The following EIF2B3 variants were observed in gnomAD, a reference collection of about 807,000 sequenced individuals.
EIF2B3 encodes the protein eukaryotic translation initiation factor 2B subunit gamma, also known as translation initiation factor eIF2B subunit gamma.
Under a neutral mutation model 54.1 loss-of-function variants are expected in EIF2B3, and 20 were observed. That is an observed-to-expected ratio of 0.37 (90% CI 0.26 to 0.54). EIF2B3 has a LOEUF of 0.54. Ranked by LOEUF, EIF2B3 falls within the 20% of genes least tolerant of loss-of-function variation. The probability of loss-of-function intolerance (pLI) is 0.86; values close to 1 mark genes in which losing one functional copy is unlikely to be tolerated. For missense variants in EIF2B3, 448 were observed against 547.8 expected (o/e 0.82, Z 1.82); for synonymous variants, 153 against 188.1 (o/e 0.81, Z 1.52).
chr1:44,948,974 T>C (rs2148947174), intron 3 of EIF2B3, among the ~76,000 whole-genome samples: 1 of 152,244 alleles, frequency 6.6e-6, no homozygotes, highest in Non-Finnish European at 1.5e-5. Context: ...GTTCAAGCAA[T>C]TCTTGTGCCT....
At chr1:44,913,109 TAAA>T (rs552977811) in intron 5 of EIF2B3, among the ~76,000 whole-genome samples, 9,749 of 103,324 alleles carry the variant, frequency 0.094, 1,278 homozygotes, top group African/African-American at 0.31. Flanking sequence ...CGGTTTTTGT[TAAA>T]AAAAAAAAAA....
At chr1:44,875,572 C>T in intron 9 of EIF2B3, 46 bp downstream of exon 9, 1 of 1,578,984 alleles carries the variant, frequency 6.3e-7, no homozygotes, top group Non-Finnish European at 8.7e-7. Context: ...AGTCTCGATG[C>T]TCCCAAAGAA....
intron 6 of EIF2B3, among the ~76,000 whole-genome samples, chr1:44,894,724 C>T (rs1655907645): frequency 1.3e-5 from 2 of 152,164 alleles, no homozygotes; most frequent in African/African-American, 2.4e-5. Flanking sequence ...CCTTTCCATT[C>T]CTAAAGGAGT....
At chr1:44,935,191 T>C (rs930367977) in intron 4 of EIF2B3, among the ~76,000 whole-genome samples, 4 of 152,196 alleles carry the variant, frequency 2.6e-5, no homozygotes, top group African/African-American at 7.2e-5. Flanking sequence ...AGTGGGACTA[T>C]AGAGACAATA....
chr1:44,937,981 T>C (rs1643973432), intron 4 of EIF2B3, among the ~76,000 whole-genome samples: 1 of 42,378 alleles, frequency 2.4e-5, no homozygotes, highest in Non-Finnish European at 4.3e-5. Context: ...TCCTGCCCTC[T>C]TAGTATCAGT....
At chr1:44,972,250 A>AC (rs1557711523) in intron 3 of EIF2B3, among the ~76,000 whole-genome samples, 38 of 86,516 alleles carry the variant, frequency 4.4e-4, no homozygotes, top group African/African-American at 1.9e-3. Flanking sequence ...CACACACACA[A>AC]ACACACACAC....
intron 3 of EIF2B3, among the ~76,000 whole-genome samples, chr1:44,955,929 T>A (rs1644218944): frequency 6.6e-6 from 1 of 152,182 alleles, no homozygotes; most frequent in Non-Finnish European, 1.5e-5. Context: ...GTAAAATAGT[T>A]CAACCATTGT....
intron 5 of EIF2B3, among the ~76,000 whole-genome samples, chr1:44,905,708 TCTTA>T (rs1455262097): frequency 2.0e-5 from 3 of 152,212 alleles, no homozygotes; most frequent in African/African-American, 4.8e-5. Context: ...AGATAATCTC[TCTTA>T]CTTAAAATCA....
intron 5 of EIF2B3, among the ~76,000 whole-genome samples, chr1:44,921,568 G>A (rs1643738668): frequency 6.6e-6 from 1 of 152,168 alleles, no homozygotes. Flanking sequence ...TTTTGTATAT[G>A]GCAAGAGACA....
intron 3 of EIF2B3, among the ~76,000 whole-genome samples, chr1:44,948,309 G>A (rs1031549718): frequency 1.5e-4 from 23 of 152,136 alleles, no homozygotes; most frequent in African/African-American, 5.1e-4. Context: ...CCATAGTCCA[G>A]GATGGAAGTC....
chr1:44,931,920 C>A (rs1198352158), intron 4 of EIF2B3, among the ~76,000 whole-genome samples: 1 of 152,098 alleles, frequency 6.6e-6, no homozygotes, highest in South Asian at 2.1e-4. Context: ...AGTTCAAGAT[C>A]ATCTCTGCTA....
In EIF2B3 at chr1:44,874,759, A is replaced by G; in HGVS notation, c.1121T>C (p.Val374Ala). The G allele has an allele frequency of 1.2e-6, 2 of 1,614,140 alleles. No individual in the cohort carries two copies. Among genetic ancestry groups the G allele is most frequent in the Non-Finnish European group, 1.7e-6 (2 of 1,180,024 alleles). Residue 374 changes from valine (V) to alanine (A), a missense_variant, in exon 10 of 12, where the codon GTC (valine) becomes GCC (alanine). Physicochemically the swap from Val to Ala is moderately conservative, Grantham distance 64. This residue lies in a region of EIF2B3 where 350 missense variants were observed against 414.2 expected (regional missense o/e 0.85). Coordinates refer to ENST00000360403, the MANE Select transcript of EIF2B3 (RefSeq NM_020365.5). ...TTTTATGAGACAGGATGAGCCAATG[A>G]CTGAGCGCTTAATGGATGACTTCTC... ...IGEKSSIKRS[V>A]IGSSCLIKDR...
At chr1:44,978,621 C>CT (rs57964686) in intron 2 of EIF2B3, among the ~76,000 whole-genome samples, 161 bp from the exon 3 acceptor site, 3,907 of 76,360 alleles carry the variant, frequency 0.051, 614 homozygotes, top group East Asian at 0.16. Context: ...CCAATAAATT[C>CT]TTTTTTTTTT....
At chr1:44,896,279 A>G (rs1257297933) in intron 6 of EIF2B3, among the ~76,000 whole-genome samples, 1 of 152,246 alleles carries the variant, frequency 6.6e-6, no homozygotes, top group African/African-American at 2.4e-5. Context: ...AAACAGAGCT[A>G]TAACAATCCT....
chr1:44,985,726 T>C (rs1389553035), intron 1 of EIF2B3, among the ~76,000 whole-genome samples: 1 of 152,216 alleles, frequency 6.6e-6, no homozygotes, highest in African/African-American at 2.4e-5. Context: ...CTAATCATGC[T>C]ACCAGGCAGA....
Position 44,926,713 on chromosome 1 carries a change from C to T in EIF2B3, c.481G>A (p.Asp161Asn), listed in dbSNP as rs1244905492. 6.2e-7 allele frequency: 1 copy of T among 1,613,746 alleles called. No homozygotes were observed. The highest frequency in any genetic ancestry group is 1.3e-5 in the African/African-American group (1 of 75,012). ...AVEQRDFIGV[D>N]STGKRLLFMA... is the part of the protein sequence containing the mutation. ...AAGAGCAGCCTCTTTCCTGTGCTGT[C>T]CACTCCAATGAAGTCACGCTGCTCC... Residue 161 changes from aspartate to asparagine, a missense_variant, in exon 5 of 12, where the codon GAC becomes AAC. By Grantham distance (23) the Asp-to-Asn change is conservative. Around this residue, in one of 3 missense-constraint regions of EIF2B3, gnomAD observed 350 missense variants for 414.2 expected, o/e 0.85. Transcript: ENST00000360403.
chr1:44,936,329 T>A (rs914050418), intron 4 of EIF2B3, among the ~76,000 whole-genome samples: 6 of 151,518 alleles, frequency 4.0e-5, no homozygotes, highest in African/African-American at 1.5e-4. Flanking sequence ...GCTGTAATCC[T>A]AGCACTTTGG....
intron 6 of EIF2B3, among the ~76,000 whole-genome samples, chr1:44,883,754 TA>T (rs1358371602): frequency 6.6e-6 from 1 of 152,228 alleles, no homozygotes; most frequent in Non-Finnish European, 1.5e-5. Flanking sequence ...CCCATCTTGA[TA>T]AATCGTCTCT....
At chr1:44,852,309 CT>C (rs1445458969) in intron 11 of EIF2B3, among the ~76,000 whole-genome samples, 10 of 151,976 alleles carry the variant, frequency 6.6e-5, no homozygotes, top group African/African-American at 1.2e-4. Flanking sequence ...GCCTAGAATG[CT>C]TCCCCCTCCA....
Sources: gnomAD v4.1 joint callset for allele counts (sites outside exome capture counted in the v4.1 genomes callset) on GRCh38, gnomAD v4.1.1 for gene constraint, gnomAD v4.1.1 regional missense constraint, MANE v1.5 for transcripts, NCBI Gene and HGNC (gene_info 2026-07-23, HGNC 2026-07-21) for gene names.